ADGRL2: variants seen among roughly 807,000 people sequenced by gnomAD.
ADGRL2 encodes the protein calcium-independent alpha-latrotoxin receptor 2.
In ADGRL2, 44 loss-of-function variants were observed where a neutral mutation model predicts 157.4. The observed-to-expected ratio is 0.28, with a 90% CI of 0.22 to 0.36. The LOEUF is 0.36. Among genes scored for constraint, ADGRL2 ranks in the 10% least tolerant of loss-of-function variants. The probability of loss-of-function intolerance (pLI) is 1.00; values close to 1 mark genes in which losing one functional copy is unlikely to be tolerated. For synonymous variants in ADGRL2, 585 were observed against 624.7 expected, an observed-to-expected ratio of 0.94 and a Z score of 0.95; for missense variants, 1,510 against 1,768.9, an observed-to-expected ratio of 0.85 and a Z score of 2.63.
chr1:81,494,405 C>T (rs1008472083), intron 2 of ADGRL2, among the ~76,000 whole-genome samples: 4 of 152,140 alleles, frequency 2.6e-5, no homozygotes, highest in Non-Finnish European at 5.9e-5. Flanking sequence ...TTTCCCTGGA[C>T]AAGATCAAAT....
intron 3 of ADGRL2, among the ~76,000 whole-genome samples, chr1:81,681,887 T>C (rs188087764): frequency 6.6e-6 from 1 of 152,280 alleles, no homozygotes; most frequent in Non-Finnish European, 1.5e-5. Flanking sequence ...ACATTTGACC[T>C]ACAGTTACTT....
chr1:81,919,475 C>T (rs898208754), intron 3 of ADGRL2, among the ~76,000 whole-genome samples: 4 of 151,854 alleles, frequency 2.6e-5, no homozygotes, highest in African/African-American at 9.7e-5. Context: ...ATGAAGAAAA[C>T]TATTATTTAA....
intron 1 of ADGRL2, among the ~76,000 whole-genome samples, chr1:81,312,949 G>A (rs749650984): frequency 2.2e-4 from 33 of 152,090 alleles, no homozygotes; most frequent in African/African-American, 3.4e-4. Context: ...TACAATATAC[G>A]GAGAGTATTA....
chr1:81,581,941 A>G (rs561734202), intron 3 of ADGRL2, among the ~76,000 whole-genome samples: 1 of 151,840 alleles, frequency 6.6e-6, no homozygotes, highest in East Asian at 1.9e-4. Flanking sequence ...GGGAAACAGG[A>G]CAGGCATGGT....
chr1:81,340,569 C>A (rs1662000419), intron 1 of ADGRL2, among the ~76,000 whole-genome samples: 1 of 152,016 alleles, frequency 6.6e-6, no homozygotes, highest in African/African-American at 2.4e-5. Context: ...TATCTATGGC[C>A]AAAACCATCT....
chr1:81,782,881 TATCAAAGAAGACA>T (rs1366012994), intron 2 of ADGRL2, among the ~76,000 whole-genome samples: 48 of 152,144 alleles, frequency 3.2e-4, no homozygotes, highest in Admixed American at 1.0e-3. Context: ...TCTACCTGAG[TATCAAAGAAGACA>T]GGGCACAGGG....
chr1:81,939,771 T>C (rs1305436158), intron 4 of ADGRL2, among the ~76,000 whole-genome samples: 1 of 151,466 alleles, frequency 6.6e-6, no homozygotes, highest in Non-Finnish European at 1.5e-5. Flanking sequence ...AATTTTATTG[T>C]ATTTTTGTAC....
At chr1:81,791,066 CAAA>C (rs11411906) in intron 2 of ADGRL2, among the ~76,000 whole-genome samples, 1 of 37,470 alleles carries the variant, frequency 2.7e-5, no homozygotes, top group African/African-American at 1.3e-4. Context: ...GACCCTATCT[CAAA>C]AAAAAAAAAA....
At chr1:81,630,595 T>C (rs2081993268) in intron 3 of ADGRL2, among the ~76,000 whole-genome samples, 1 of 152,200 alleles carries the variant, frequency 6.6e-6, no homozygotes, top group South Asian at 2.1e-4. Flanking sequence ...ATGCCTCAGT[T>C]TTCCTAGAAT....
chr1:81,680,286 A>G (rs1184862542), intron 3 of ADGRL2, among the ~76,000 whole-genome samples: 1 of 152,210 alleles, frequency 6.6e-6, no homozygotes, highest in Non-Finnish European at 1.5e-5. Flanking sequence ...TTCACTATCT[A>G]GGAATGAAAA....
intron 3 of ADGRL2, among the ~76,000 whole-genome samples, chr1:81,933,680 A>G (rs1005570680): frequency 6.6e-6 from 1 of 152,152 alleles, no homozygotes; most frequent in Non-Finnish European, 1.5e-5. Flanking sequence ...CTTAGTATTA[A>G]TAGCTCACGT....
At chr1:81,332,732 T>G (rs1661357693) in intron 1 of ADGRL2, among the ~76,000 whole-genome samples, 2 of 152,206 alleles carry the variant, frequency 1.3e-5, no homozygotes, top group Non-Finnish European at 2.9e-5. Flanking sequence ...CCCTAACATA[T>G]GTGCCTTTCA....
chr1:81,670,816 G>T (rs546611936), intron 3 of ADGRL2, among the ~76,000 whole-genome samples: 16 of 152,288 alleles, frequency 1.1e-4, no homozygotes, highest in South Asian at 8.3e-4. Context: ...CCAGGCTCAA[G>T]AGATCCTCTC....
Position 81,969,360 on chromosome 1 carries a change from A to G in ADGRL2, c.2706A>G (p.Leu902=), listed in dbSNP as rs755029259. The change falls in exon 15 of 24, where the codon CTA becomes CTG. Residue 902 remains leucine (L), a synonymous_variant. Coordinates refer to ENST00000686636, the MANE Select transcript of ADGRL2 (RefSeq NM_001366006.2). ...TTTTCATTGCTGAATTTATTTTCCT[A>G]ATAGGCATTGATAAGACAAAATATG... ...INLFIAEFIF[L]IGIDKTKYAI... 3 of 1,613,788 alleles carry G rather than the reference A, an allele frequency of 1.9e-6. No individual in the cohort carries two copies. In the South Asian group the frequency reaches 3.3e-5, roughly 18 times the overall value.
chr1:81,570,196 C>G (rs1035672587), intron 2 of ADGRL2, among the ~76,000 whole-genome samples: 2 of 152,182 alleles, frequency 1.3e-5, no homozygotes, highest in African/African-American at 2.4e-5. Flanking sequence ...TATCAAGGAA[C>G]AGGGATCACT....
chr1:81,643,559 A>G (rs1255628310), intron 3 of ADGRL2, among the ~76,000 whole-genome samples: 1 of 152,108 alleles, frequency 6.6e-6, no homozygotes, highest in African/African-American at 2.4e-5. Flanking sequence ...TCCTCCTGCC[A>G]TGGCTTCCCA....
intron 2 of ADGRL2, among the ~76,000 whole-genome samples, chr1:81,900,902 C>T (rs1262384692): frequency 1.3e-5 from 2 of 151,244 alleles, no homozygotes; most frequent in South Asian, 2.1e-4. Context: ...ATCTAGGAGC[C>T]GAGGCTAAAA....
intron 11 of ADGRL2, among the ~76,000 whole-genome samples, chr1:81,962,005 G>A (rs543699560): frequency 2.9e-4 from 44 of 152,172 alleles, no homozygotes; most frequent in Non-Finnish European, 5.3e-4. Context: ...GCTCCAATGT[G>A]TGCCTTTCTA....
At chr1:81,536,133 T>C (rs545399287) in intron 2 of ADGRL2, among the ~76,000 whole-genome samples, 1 of 152,362 alleles carries the variant, frequency 6.6e-6, no homozygotes, top group East Asian at 1.9e-4. Context: ...TTTTTACTTA[T>C]ATTCAACTTC....
Sources: allele counts gnomAD v4.1 joint callset (sites outside exome capture counted in the v4.1 genomes callset), GRCh38; gene constraint gnomAD v4.1.1; transcripts MANE v1.5; gene names NCBI Gene and HGNC (gene_info 2026-07-23, HGNC 2026-07-21).